TRPM3: variants seen among roughly 807,000 people sequenced by gnomAD.
TRPM3 encodes transient receptor potential cation channel subfamily M member 3, also known as long transient receptor potential channel 3.
TRPM3 carries 77 observed loss-of-function variants against 181.2 expected under a neutral mutation model. The ratio of observed to expected loss-of-function variants is 0.42; its 90% confidence interval spans 0.35 to 0.51. TRPM3 has a LOEUF of 0.51. TRPM3 is among the 20% of genes least tolerant of loss of function. The pLI is 0.01. For synonymous variants in TRPM3, 745 were observed against 796.4 expected, an observed-to-expected ratio of 0.94 and a Z score of 1.09; for missense variants, 1,759 against 2,196.7, an observed-to-expected ratio of 0.80 and a Z score of 3.98.
intron 1 of TRPM3, among the ~76,000 whole-genome samples, chr9:71,212,272 C>T (rs1437823539): frequency 6.6e-6 from 1 of 152,076 alleles, no homozygotes; most frequent in African/African-American, 2.4e-5. Flanking sequence ...GTGTACCACC[C>T]AGCCCACATA....
chr9:70,867,650 T>C (rs1263974918), intron 1 of TRPM3, among the ~76,000 whole-genome samples: 1 of 152,024 alleles, frequency 6.6e-6, no homozygotes, highest in African/African-American at 2.4e-5. Flanking sequence ...CATGATTAAA[T>C]TGGATTTTTT....
Position 70,533,223 on chromosome 9 carries a change from G to A in TRPM3, c.*2730C>T, listed in dbSNP as rs2041130581. On this transcript the variant is annotated 3_prime_UTR_variant, in exon 26 of 26. Transcript: ENST00000677713. ...CCTCACTTCCAATCTGGCCCAGAAT[G>A]AGGCCTTGGAGGTGTTTGATGTCAA... The A allele has an allele frequency of 6.6e-6, 1 of 152,200 alleles. No homozygotes were observed. The highest frequency in any genetic ancestry group is 1.5e-5 in the Non-Finnish European group (1 of 68,036). 9.4% of individuals were successfully genotyped at this position (152,200 alleles called of 1,614,324 possible).
At chr9:71,107,233 C>T (rs1022083600) in intron 1 of TRPM3, among the ~76,000 whole-genome samples, 1 of 152,196 alleles carries the variant, frequency 6.6e-6, no homozygotes, top group Admixed American at 6.5e-5. Flanking sequence ...TACTTCATTC[C>T]CTTCAAGGGA....
chr9:71,304,751 A>G (rs1212680013), intron 1 of TRPM3, among the ~76,000 whole-genome samples: 1 of 152,220 alleles, frequency 6.6e-6, no homozygotes, highest in African/African-American at 2.4e-5. Flanking sequence ...GCATTTAAAT[A>G]CTACAGGATA....
At chr9:71,229,414 T>C (rs750082255) in intron 1 of TRPM3, among the ~76,000 whole-genome samples, 4 of 151,886 alleles carry the variant, frequency 2.6e-5, no homozygotes, top group Admixed American at 6.6e-5. Context: ...TTGGCAAAGG[T>C]TTCTTGAGTA....
chr9:70,757,475 C>T (rs11533055), intron 8 of TRPM3, among the ~76,000 whole-genome samples: 19,551 of 152,142 alleles, frequency 0.13, 1,403 homozygotes, highest in East Asian at 0.25. Flanking sequence ...TCCTCTATAA[C>T]TCGTTTTATG....
intron 1 of TRPM3, among the ~76,000 whole-genome samples, chr9:71,258,487 G>T (rs894402917): frequency 6.6e-6 from 1 of 152,008 alleles, no homozygotes; most frequent in Non-Finnish European, 1.5e-5. Flanking sequence ...ATTCTCTCTT[G>T]TATCTCATAT....
chr9:71,292,404 A>T (rs1335021874), intron 1 of TRPM3, among the ~76,000 whole-genome samples: 1 of 152,002 alleles, frequency 6.6e-6, no homozygotes, highest in Non-Finnish European at 1.5e-5. Flanking sequence ...ATGGCTAAAA[A>T]ACTTGAGCAG....
chr9:70,769,694 T>C (rs1055391236), intron 7 of TRPM3, among the ~76,000 whole-genome samples: 1 of 152,196 alleles, frequency 6.6e-6, no homozygotes, highest in African/African-American at 2.4e-5. Context: ...ACTGCTCCCT[T>C]GGTGCTCTCA....
Position 70,537,257 on chromosome 9 carries a change from C to G in TRPM3, c.3856G>C (p.Glu1286Gln). The G allele has an allele frequency of 6.3e-7, 1 of 1,591,600 alleles. No homozygotes were observed. Among genetic ancestry groups the G allele is most frequent in the South Asian group, 1.1e-5 (1 of 89,402 alleles). Reference protein sequence around the residue: ...ATALERLTGLERAESNKIRSR... With the variant: ...ATALERLTGLQRAESNKIRSR... ...CGGATTTTGTTGGACTCGGCCCGCT[C>G]CAGACCTGTCAGGCGCTCCAGGGCC... Residue 1286 changes from glutamate to glutamine, a missense_variant, in exon 26 of 26, where the codon GAG becomes CAG. Physicochemically the swap from Glu to Gln is conservative, Grantham distance 29 (BLOSUM62 2). Coordinates refer to ENST00000677713, the MANE Select transcript of TRPM3 (RefSeq NM_001366145.2).
chr9:71,417,694 C>T (rs140434756), intron 1 of TRPM3, among the ~76,000 whole-genome samples: 1 of 152,076 alleles, frequency 6.6e-6, no homozygotes, highest in East Asian at 1.9e-4. Flanking sequence ...TACTACAGAG[C>T]ACACCATTCT....
chr9:71,304,427 A>T lies in TRPM3; in HGVS notation c.183+142226T>A, dbSNP rs145834557. Among the ~76,000 whole-genome samples, 16 of 152,290 alleles carry T rather than the reference A, an allele frequency of 1.1e-4. No individual in the cohort carries two copies. In the East Asian group the frequency reaches 3.1e-3, roughly 29 times the overall value. ...GAGATGAGAAGTTGGTAATGTAAGG[A>T]CTGGTTTAAGCTGTAAATAAGCACA... On this transcript the variant is annotated intron_variant, in intron 1 of 24. Transcript: ENST00000357533.
chr9:70,575,538 T>G (rs1343713836), intron 22 of TRPM3, among the ~76,000 whole-genome samples: 1 of 152,140 alleles, frequency 6.6e-6, no homozygotes, highest in Non-Finnish European at 1.5e-5. Flanking sequence ...TACATCCCAC[T>G]CTGACACTGA....
Position 70,531,912 on chromosome 9 carries a change from G to A in TRPM3, c.*4041C>T, listed in dbSNP as rs545077254. 5.3e-5 allele frequency: 8 copies of A among 152,046 alleles called. No individual in the cohort carries two copies. Among genetic ancestry groups the A allele is most frequent in the African/African-American group, 1.4e-4 (6 of 41,456 alleles). 9.4% of individuals were successfully genotyped at this position (152,046 alleles called of 1,614,324 possible). ...AAGCAGATCAGGAACAAAAATGCCCGGTTCACAAAGATGCTAAATAACATG... is the reference window on the plus strand; with the variant it reads ...AAGCAGATCAGGAACAAAAATGCCCAGTTCACAAAGATGCTAAATAACATG... On this transcript the variant is annotated 3_prime_UTR_variant, in exon 26 of 26. Transcript: ENST00000677713.
intron 1 of TRPM3, among the ~76,000 whole-genome samples, chr9:71,290,652 A>G (rs1269607174): frequency 1.3e-5 from 2 of 152,134 alleles, no homozygotes; most frequent in Non-Finnish European, 2.9e-5. Context: ...AAAATAATAT[A>G]GAAAAATAAA....
chr9:70,635,367 A>C (rs1245169214), intron 11 of TRPM3, 106 bp from the exon 12 acceptor site: 1 of 846,778 alleles, frequency 1.2e-6, no homozygotes, highest in African/African-American at 1.7e-5. Flanking sequence ...AGGGCAGTTC[A>C]TTAAGATGGA....
chr9:71,266,340 C>CAAA (rs891892332), intron 1 of TRPM3, among the ~76,000 whole-genome samples: 4 of 148,702 alleles, frequency 2.7e-5, no homozygotes, highest in African/African-American at 9.9e-5. Flanking sequence ...GAGGGAGTGG[C>CAAA]AAAAAAAAAG....
chr9:70,942,630 C>A (rs1237525534), intron 1 of TRPM3, among the ~76,000 whole-genome samples: 1 of 152,116 alleles, frequency 6.6e-6, no homozygotes, highest in African/African-American at 2.4e-5. Flanking sequence ...GCTTTCCGTG[C>A]CTTTTATCTC....
At chr9:70,966,391 G>T (rs982949586) in intron 1 of TRPM3, among the ~76,000 whole-genome samples, 6 of 152,036 alleles carry the variant, frequency 3.9e-5, no homozygotes, top group Non-Finnish European at 5.9e-5. Context: ...CCATTACTGG[G>T]TATTTATCCA....
Sources: gnomAD v4.1 joint callset for allele counts (sites outside exome capture counted in the v4.1 genomes callset) on GRCh38, gnomAD v4.1.1 for gene constraint, MANE v1.5 for transcripts, NCBI Gene and HGNC (gene_info 2026-07-23, HGNC 2026-07-21) for gene names.